SPON1: variants seen among roughly 807,000 people sequenced by gnomAD.
SPON1 encodes the protein spondin-1.
SPON1 carries 52 observed loss-of-function variants against 111.7 expected under a neutral mutation model. The ratio of observed to expected loss-of-function variants is 0.47; its 90% CI spans 0.37 to 0.59. The LOEUF (loss-of-function observed/expected upper bound fraction) is 0.59. Ranked by LOEUF, SPON1 falls within the 20% of genes least tolerant of loss-of-function variation. The pLI is 0.00. For missense variants in SPON1, 957 were observed against 1,068.5 expected (o/e 0.90, Z 1.46); for synonymous variants, 410 against 395.8 (o/e 1.04, Z -0.43).
intron 3 of SPON1, among the ~76,000 whole-genome samples, chr11:14,060,673 C>T (rs564542506): frequency 1.3e-4 from 20 of 152,272 alleles, no homozygotes; most frequent in African/African-American, 4.8e-4. Flanking sequence ...ATTAGGGCAC[C>T]CAAATGATTC....
rs186337246 is a variant in SPON1 at position 13,971,843 on chromosome 11, T to C, written c.238+8701T>C. On this transcript the variant is annotated intron_variant, in intron 1 of 15. Coordinates refer to ENST00000576479, the MANE Select transcript of SPON1 (RefSeq NM_006108.4). ...CATTTCCCGCTTGGCAGTAGGGTGA[T>C]GGGGAGAAGAGAACCATGAGTTTTC... 7.2e-5 allele frequency among the ~76,000 whole-genome samples: 11 copies of C among 152,262 alleles called. No homozygotes were observed. The East Asian group carries it at 2.1e-3, about 29-fold the overall frequency.
chr11:14,204,037 C>A (rs781875421), intron 6 of SPON1, among the ~76,000 whole-genome samples: 1 of 152,132 alleles, frequency 6.6e-6, no homozygotes, highest in Non-Finnish European at 1.5e-5. Flanking sequence ...GGCCTATCTT[C>A]GGTGTAATGG....
chr11:14,167,997 T>C (rs114167975), intron 6 of SPON1, among the ~76,000 whole-genome samples: 1,848 of 152,304 alleles, frequency 0.012, 34 homozygotes, highest in African/African-American at 0.042. Context: ...ACAAAATCCA[T>C]ATTCCTATGC....
chr11:14,255,883 C>A, intron 9 of SPON1, 96 bp downstream of exon 9: 2 of 1,298,668 alleles, frequency 1.5e-6, no homozygotes, highest in South Asian at 1.5e-5. Context: ...GAGTCACTGG[C>A]AGAAAGCACC....
chr11:14,244,511 C>A (rs868935268), intron 7 of SPON1, among the ~76,000 whole-genome samples: 5 of 138,348 alleles, frequency 3.6e-5, no homozygotes, highest in South Asian at 2.3e-4. Context: ...AGCAAGAATC[C>A]ATCTCAAAAA....
rs568516544 is a variant in SPON1, at chr11:14,253,801, C to T, written c.891-727C>T. Among the ~76,000 whole-genome samples the T allele has an allele frequency of 3.3e-5, 5 of 152,316 alleles. No homozygotes were observed. The South Asian group carries it at 6.2e-4, about 19-fold the overall frequency. ...CTCTCTATGAGACAGGATAATAATT[C>T]TAACCCCACAGGATTGTCATGAGGG... is the stretch of plus-strand genomic sequence containing the variant. On this transcript the variant is annotated intron_variant, in intron 7 of 15. Coordinates refer to ENST00000576479, the MANE Select transcript of SPON1 (RefSeq NM_006108.4).
At chr11:14,010,370 G>A (rs548206669) in intron 2 of SPON1, among the ~76,000 whole-genome samples, 1 of 152,040 alleles carries the variant, frequency 6.6e-6, no homozygotes, top group Non-Finnish European at 1.5e-5. Flanking sequence ...CAGACTGGGA[G>A]CTCAGAAAGG....
At chr11:14,195,296 C>T (rs952859477) in intron 6 of SPON1, among the ~76,000 whole-genome samples, 2 of 152,124 alleles carry the variant, frequency 1.3e-5, no homozygotes, top group Non-Finnish European at 2.9e-5. Flanking sequence ...CATAAATAAG[C>T]TCAAAGATAC....
intron 6 of SPON1, among the ~76,000 whole-genome samples, chr11:14,186,067 ATTG>A (rs782074743): frequency 1.3e-5 from 2 of 152,162 alleles, no homozygotes; most frequent in Non-Finnish European, 2.9e-5. Flanking sequence ...AGGCCTGATG[ATTG>A]TTATTATTTC....
chr11:14,160,784 A>ATATATT (rs1847925166), intron 6 of SPON1, among the ~76,000 whole-genome samples: 1 of 38,866 alleles, frequency 2.6e-5, no homozygotes, highest in Non-Finnish European at 4.4e-5. Context: ...ATATATTTTT[A>ATATATT]TATATATTTA....
Position 14,180,115 on chromosome 11 carries a change from C to G in SPON1, c.825+44547C>G, listed in dbSNP as rs891553747. On this transcript the variant is annotated intron_variant, in intron 6 of 15. Coordinates refer to ENST00000576479, the MANE Select transcript of SPON1 (RefSeq NM_006108.4). Reference sequence around the variant, plus strand: ...CCTGCCCCTCCCCATAGGTGACCAACCATCCCAGTTTGTCCAGGACAGCAG... The same window carrying G: ...CCTGCCCCTCCCCATAGGTGACCAAGCATCCCAGTTTGTCCAGGACAGCAG... Among the ~76,000 whole-genome samples the G allele has an allele frequency of 3.3e-5, 5 of 152,164 alleles. No homozygotes were observed. The East Asian group carries it at 9.6e-4, about 29-fold the overall frequency.
rs1263627995 is a variant in SPON1, at chr11:14,010,575, C to T, written c.345+27622C>T. Among the ~76,000 whole-genome samples the T allele has an allele frequency of 5.9e-5, 9 of 152,172 alleles. No homozygotes were observed. The East Asian group carries it at 9.6e-4, about 16-fold the overall frequency. Reference sequence around the variant, plus strand: ...AAATCTCCTGCTGGCCTAGGCCAAGCAGGTGACCTGCATGAGTGGAGTGTG... The same window carrying T: ...AAATCTCCTGCTGGCCTAGGCCAAGTAGGTGACCTGCATGAGTGGAGTGTG... On this transcript the variant is annotated intron_variant, in intron 2 of 15. Transcript: ENST00000576479.
intron 2 of SPON1, among the ~76,000 whole-genome samples, chr11:14,005,433 AT>A (rs1407570032): frequency 6.6e-6 from 1 of 152,194 alleles, no homozygotes; most frequent in African/African-American, 2.4e-5. Context: ...TCTCTGCACA[AT>A]TAGACTCATC....
At chr11:14,192,699 C>A (rs1848359856) in intron 6 of SPON1, among the ~76,000 whole-genome samples, 1 of 152,104 alleles carries the variant, frequency 6.6e-6, no homozygotes. Flanking sequence ...AAGGCCAGGA[C>A]AAAGACAAGG....
intron 14 of SPON1, among the ~76,000 whole-genome samples, chr11:14,261,568 A>T (rs1554941911): frequency 6.6e-6 from 1 of 152,248 alleles, no homozygotes; most frequent in African/African-American, 2.4e-5. Flanking sequence ...GGACATGGCA[A>T]GGATAGGCCT....
chr11:14,043,725 A>G (rs1349003711), intron 3 of SPON1, among the ~76,000 whole-genome samples: 4 of 152,154 alleles, frequency 2.6e-5, no homozygotes, highest in South Asian at 2.1e-4. Flanking sequence ...TCTTTGATTT[A>G]TTGTTCTTAC....
chr11:13,964,684 G>A (rs939479937), intron 1 of SPON1, among the ~76,000 whole-genome samples: 1 of 152,198 alleles, frequency 6.6e-6, no homozygotes, highest in East Asian at 1.9e-4. Flanking sequence ...ACCCCGCCCA[G>A]CCCGGGAGGG....
intron 6 of SPON1, among the ~76,000 whole-genome samples, chr11:14,202,508 C>A (rs77192212): frequency 6.6e-6 from 1 of 152,184 alleles, no homozygotes; most frequent in African/African-American, 2.4e-5. Flanking sequence ...TACCCTCTAA[C>A]GGCCCCAGAG....
chr11:14,176,201 A>ATAT (rs1848173231), intron 6 of SPON1, among the ~76,000 whole-genome samples: 3 of 152,130 alleles, frequency 2.0e-5, no homozygotes, highest in Non-Finnish European at 2.9e-5. Context: ...GACTTCCATC[A>ATAT]GCAACCCCTC....
Sources: gnomAD v4.1 joint callset for allele counts (sites outside exome capture counted in the v4.1 genomes callset) on GRCh38, gnomAD v4.1.1 for gene constraint, MANE v1.5 for transcripts, NCBI Gene and HGNC (gene_info 2026-07-23, HGNC 2026-07-21) for gene names.